Variants in BCR observed in about 807,000 individuals in gnomAD.
BCR encodes BCR activator of RhoGEF and GTPase, also known as breakpoint cluster region protein.
Under a neutral mutation model 138.6 loss-of-function variants are expected in BCR, and 58 were observed. The observed-to-expected ratio is 0.42, with a 90% CI of 0.34 to 0.52. BCR has a LOEUF of 0.52. BCR is among the 20% of genes least tolerant of loss of function. The probability of loss-of-function intolerance (pLI) is 0.06; values close to 1 mark genes in which losing one functional copy is unlikely to be tolerated. For synonymous variants in BCR, 786 were observed against 730.1 expected, an observed-to-expected ratio of 1.08 and a Z score of -1.23; for missense variants, 1,599 against 1,727.2, an observed-to-expected ratio of 0.93 and a Z score of 1.32.
intron 16 of BCR, chr22:23,307,702 G>A (rs131697): frequency 0.2 from 28,817 of 146,676 alleles, 2,847 homozygotes; most frequent in East Asian, 0.55. Flanking sequence ...GCTTCTCTGT[G>A]CCACTCTGGC....
At chr22:23,281,517 G>A (rs1357901920) in intron 8 of BCR, among the ~76,000 whole-genome samples, 1 of 152,232 alleles carries the variant, frequency 6.6e-6, no homozygotes, top group Non-Finnish European at 1.5e-5. Flanking sequence ...AGTGACATAG[G>A]CCACGCCATG....
intron 1 of BCR, among the ~76,000 whole-genome samples, chr22:23,222,100 A>C (rs999773509): frequency 6.6e-6 from 1 of 151,364 alleles, no homozygotes. Context: ...CAAAAAACAA[A>C]AAAAAGAGAG....
At chr22:23,288,030 C>A (rs573062984) in intron 11 of BCR, 67 bp from the exon 12 acceptor site, 2 of 1,487,060 alleles carry the variant, frequency 1.3e-6, no homozygotes, top group African/African-American at 1.4e-5. Context: ...TAAGGTGCCC[C>A]GGGCCTACCA....
At chr22:23,304,943 C>A (rs184989604) in intron 16 of BCR, among the ~76,000 whole-genome samples, 1 of 152,014 alleles carries the variant, frequency 6.6e-6, no homozygotes, top group Non-Finnish European at 1.5e-5. Context: ...GGTGAAACCT[C>A]GTCTCTACTA....
intron 19 of BCR, among the ~76,000 whole-genome samples, chr22:23,312,199 C>A (rs2074015747): frequency 6.6e-6 from 1 of 152,212 alleles, no homozygotes; most frequent in Admixed American, 6.5e-5. Flanking sequence ...TCAGCCCAGG[C>A]TGGGGCTGCA....
intron 1 of BCR, among the ~76,000 whole-genome samples, chr22:23,189,025 A>G (rs1419508639): frequency 1.3e-5 from 2 of 151,702 alleles, no homozygotes; most frequent in Admixed American, 1.3e-4. Flanking sequence ...TAGCCTAGCT[A>G]ATTTTTGTAT....
intron 13 of BCR, 141 bp from the exon 14 acceptor site, chr22:23,290,198 C>A (rs938846944): frequency 1.2e-5 from 10 of 820,116 alleles, no homozygotes; most frequent in Admixed American, 5.7e-5. Flanking sequence ...GTTTTTGGCC[C>A]ATGACACTGG....
chr22:23,286,955 A>T (rs1244925897), intron 10 of BCR, among the ~76,000 whole-genome samples: 1 of 152,210 alleles, frequency 6.6e-6, no homozygotes, highest in Non-Finnish European at 1.5e-5. Flanking sequence ...AGCTTATGCC[A>T]TGCCTTGACC....
chr22:23,264,360 C>A, intron 4 of BCR: 2 of 936,578 alleles, frequency 2.1e-6, no homozygotes, highest in East Asian at 2.4e-5. Flanking sequence ...AAACCCGTGA[C>A]CGTCAGGGCC....
At chr22:23,252,011 G>A (rs1280134762) in intron 1 of BCR, among the ~76,000 whole-genome samples, 1 of 152,226 alleles carries the variant, frequency 6.6e-6, no homozygotes, top group African/African-American at 2.4e-5. Context: ...GGGAGGAAGG[G>A]AGTGATTATC....
At position 23,261,387 on chromosome 22, in the gene BCR, C is replaced by T. The variant is rs764692112; in HGVS notation, c.1599C>T (p.Thr533=). ...PMKPLKAAAT[T]SQPVLTSQQI... ...AGCCTTTGAAAGCCGCTGCCACCAC[C>T]TCTCAGCCGGTGCTGACGAGTCAGC... is the stretch of plus-strand genomic sequence containing the variant. Residue 533 remains threonine (T), a synonymous_variant, in exon 4 of 23, where the codon ACC becomes ACT. Coordinates refer to ENST00000305877, the MANE Select transcript of BCR (RefSeq NM_004327.4). The T allele has an allele frequency of 1.9e-6, 3 of 1,613,512 alleles. No homozygotes were observed. The highest frequency in any genetic ancestry group is 1.1e-5 in the South Asian group (1 of 91,084).
intron 2 of BCR, among the ~76,000 whole-genome samples, chr22:23,256,494 G>T (rs1568957827): frequency 2.0e-5 from 3 of 152,150 alleles, no homozygotes; most frequent in Admixed American, 6.5e-5. Flanking sequence ...ATGCCTTGAG[G>T]GCCAGGTTCT....
intron 1 of BCR, among the ~76,000 whole-genome samples, chr22:23,215,336 G>A (rs2072740001): frequency 6.6e-6 from 1 of 152,164 alleles, no homozygotes; most frequent in South Asian, 2.1e-4. Flanking sequence ...GGTCTGTCTT[G>A]CACATGTGCC....
At chr22:23,260,537 T>C (rs2073344618) in intron 2 of BCR, among the ~76,000 whole-genome samples, 1 of 152,110 alleles carries the variant, frequency 6.6e-6, no homozygotes, top group African/African-American at 2.4e-5. Context: ...GAGTGGAGTT[T>C]GGCTGCAGCA....
chr22:23,222,654 A>G (rs2072838619), intron 1 of BCR, among the ~76,000 whole-genome samples: 1 of 152,152 alleles, frequency 6.6e-6, no homozygotes, highest in Admixed American at 6.5e-5. Flanking sequence ...GGCTGTGACC[A>G]ACAGCATGCT....
intron 1 of BCR, among the ~76,000 whole-genome samples, chr22:23,183,812 T>G (rs2146192565): frequency 6.6e-6 from 1 of 152,356 alleles, no homozygotes; most frequent in Non-Finnish European, 1.5e-5. Flanking sequence ...TCCAGAACCT[T>G]GGGCCCAGCC....
At chr22:23,310,295 G>C in intron 17 of BCR, 29 bp from the exon 18 acceptor site, 1 of 1,131,278 alleles carries the variant, frequency 8.8e-7, no homozygotes, top group Non-Finnish European at 1.3e-6. Context: ...AGAAGGATTA[G>C]AGGACTGTGC....
chr22:23,216,924 C>T, intron 1 of BCR: 1 of 331,026 alleles, frequency 3.0e-6, no homozygotes, highest in South Asian at 2.1e-5. Context: ...AACTTCTCAG[C>T]TGAACTTCCA....
chr22:23,290,467 C>A, intron 14 of BCR, 54 bp downstream of exon 14: 1 of 1,556,162 alleles, frequency 6.4e-7, no homozygotes, highest in South Asian at 1.1e-5. Flanking sequence ...GGTCTCCACC[C>A]AGGAAGGACT....
Sources: gnomAD v4.1 joint callset for allele counts (sites outside exome capture counted in the v4.1 genomes callset) on GRCh38, gnomAD v4.1.1 for gene constraint, MANE v1.5 for transcripts, NCBI Gene and HGNC (gene_info 2026-07-23, HGNC 2026-07-21) for gene names.